Variants in CNTN4 observed in about 807,000 individuals in gnomAD.
CNTN4 encodes the protein contactin-4.
A neutral mutation model predicts 122.5 loss-of-function variants in CNTN4; 77 were observed. The observed-to-expected ratio is 0.63, with a 90% CI of 0.52 to 0.76. The LOEUF is 0.76. Ranked by LOEUF, CNTN4 falls within the 30% of genes least tolerant of loss-of-function variation. The pLI, the probability that CNTN4 is intolerant of heterozygous loss-of-function variation, is 0.00. For synonymous variants in CNTN4, 512 were observed against 447.0 expected (o/e 1.15, Z -1.83); for missense variants, 1,256 against 1,259.1 (o/e 1.00, Z 0.04).
chr3:2,600,008 C>T (rs2728064), intron 4 of CNTN4, among the ~76,000 whole-genome samples: 16,360 of 41,388 alleles, frequency 0.4, 2,055 homozygotes, highest in Non-Finnish European at 0.42. Flanking sequence ...TGGAATTCTT[C>T]TTTTTTTTTT....
At chr3:2,733,540 T>TTTG (rs1379917832) in intron 4 of CNTN4, among the ~76,000 whole-genome samples, 69 of 139,210 alleles carry the variant, frequency 5.0e-4, no homozygotes, top group Middle Eastern at 3.6e-3. Flanking sequence ...GTGTTTTTTT[T>TTTG]TTTTTTTTTT....
intron 2 of CNTN4, among the ~76,000 whole-genome samples, chr3:2,106,950 G>T (rs1294879976): frequency 2.6e-5 from 4 of 152,200 alleles, no homozygotes; most frequent in Non-Finnish European, 4.4e-5. Context: ...CTAAAGCATA[G>T]CAAGAGTGAC....
chr3:2,149,096 A>G (rs1164219266), intron 2 of CNTN4, among the ~76,000 whole-genome samples: 1 of 152,008 alleles, frequency 6.6e-6, no homozygotes, highest in Non-Finnish European at 1.5e-5. Flanking sequence ...GTTTTTGTGT[A>G]TGTGTGTGAT....
intron 3 of CNTN4, among the ~76,000 whole-genome samples, chr3:2,501,134 T>C (rs2076583042): frequency 6.6e-6 from 1 of 152,204 alleles, no homozygotes; most frequent in Non-Finnish European, 1.5e-5. Context: ...ATTTTTTTGT[T>C]AACTGTGGGA....
At chr3:2,349,445 A>G (rs1336207558) in intron 3 of CNTN4, among the ~76,000 whole-genome samples, 1 of 152,172 alleles carries the variant, frequency 6.6e-6, no homozygotes, top group African/African-American at 2.4e-5. Flanking sequence ...TTCATAAGTC[A>G]CCCAGAAGAA....
chr3:2,442,162 T>G (rs1241461320), intron 3 of CNTN4, among the ~76,000 whole-genome samples: 1 of 152,200 alleles, frequency 6.6e-6, no homozygotes, highest in Non-Finnish European at 1.5e-5. Flanking sequence ...GATATTTCTG[T>G]AACCTTGTGA....
intron 13 of CNTN4, among the ~76,000 whole-genome samples, chr3:2,951,197 G>T (rs1395926248): frequency 6.6e-6 from 1 of 152,144 alleles, no homozygotes; most frequent in Non-Finnish European, 1.5e-5. Context: ...ATAGACCAGT[G>T]GTCCCCTTTT....
rs868711289 is a variant in CNTN4, at chr3:2,912,971, G to A, written c.1207+9966G>A. The stretch of plus-strand genomic sequence containing the variant: ...GTTTGAGACCAGCCTGGCCAACATG[G>A]TGAAACCCCATGTCTACTAAAAATA... On this transcript the variant is annotated intron_variant, in intron 12 of 24. Coordinates refer to ENST00000418658, the MANE Select transcript of CNTN4 (RefSeq NM_175607.3). Among the ~76,000 whole-genome samples, 8 of 152,276 alleles carry A rather than the reference G, an allele frequency of 5.3e-5. No homozygotes were observed. The South Asian group carries it at 1.5e-3, about 28-fold the overall frequency.
intron 4 of CNTN4, among the ~76,000 whole-genome samples, chr3:2,701,720 A>G (rs1212546757): frequency 2.6e-5 from 4 of 152,200 alleles, no homozygotes; most frequent in African/African-American, 9.6e-5. Context: ...TTAGGAAGTC[A>G]TAAACACTCT....
chr3:2,191,982 T>A (rs2037590259), intron 2 of CNTN4, among the ~76,000 whole-genome samples: 1 of 152,034 alleles, frequency 6.6e-6, no homozygotes, highest in Non-Finnish European at 1.5e-5. Flanking sequence ...ATGCGGTGTT[T>A]GGTTTTTTGT....
intron 3 of CNTN4, among the ~76,000 whole-genome samples, chr3:2,400,132 T>G (rs2150957190): frequency 6.6e-6 from 1 of 152,030 alleles, no homozygotes; most frequent in South Asian, 2.1e-4. Context: ...TCTTCTGCCT[T>G]CAGTAATGCA....
chr3:2,496,457 T>C (rs2076454089), intron 3 of CNTN4, among the ~76,000 whole-genome samples: 1 of 152,118 alleles, frequency 6.6e-6, no homozygotes, highest in Non-Finnish European at 1.5e-5. Flanking sequence ...ACATTTATTA[T>C]CGATGAAGTG....
At chr3:2,519,738 A>C (rs2077144210) in intron 3 of CNTN4, among the ~76,000 whole-genome samples, 1 of 152,152 alleles carries the variant, frequency 6.6e-6, no homozygotes, top group African/African-American at 2.4e-5. Flanking sequence ...GTATCTCAAA[A>C]ATTTTAAATA....
chr3:2,865,021 T>C (rs1455129970), intron 7 of CNTN4, among the ~76,000 whole-genome samples: 1 of 152,180 alleles, frequency 6.6e-6, no homozygotes, highest in Non-Finnish European at 1.5e-5. Context: ...AAGCCTGCCA[T>C]ACGGGATAGT....
At chr3:2,802,810 A>G (rs1655351508) in intron 6 of CNTN4, among the ~76,000 whole-genome samples, 1 of 152,208 alleles carries the variant, frequency 6.6e-6, no homozygotes, top group Non-Finnish European at 1.5e-5. Context: ...AATTGAGAAC[A>G]CAAATTGTCT....
chr3:2,562,693 C>CT (rs35885719), intron 3 of CNTN4, among the ~76,000 whole-genome samples: 304 of 146,736 alleles, frequency 2.1e-3, no homozygotes, highest in South Asian at 7.0e-3. Context: ...GTGCATGTGT[C>CT]TTTTTTTTTT....
At chr3:2,522,706 ACT>A (rs2077265927) in intron 3 of CNTN4, among the ~76,000 whole-genome samples, 1 of 151,172 alleles carries the variant, frequency 6.6e-6, no homozygotes, top group South Asian at 2.1e-4. Flanking sequence ...GGGACTCAAG[ACT>A]CTGAATTTTT....
chr3:3,003,359 T>G (rs761356314), intron 14 of CNTN4, among the ~76,000 whole-genome samples: 1 of 152,140 alleles, frequency 6.6e-6, no homozygotes, highest in Non-Finnish European at 1.5e-5. Context: ...AGCTGATGAA[T>G]GGATAAACCA....
chr3:2,205,971 G>A (rs1575079057), intron 2 of CNTN4, among the ~76,000 whole-genome samples: 1 of 152,098 alleles, frequency 6.6e-6, no homozygotes, highest in East Asian at 1.9e-4. Context: ...TGCATTTAAA[G>A]TAGGAAGGTG....
Sources: gnomAD v4.1 joint callset for allele counts (sites outside exome capture counted in the v4.1 genomes callset) on GRCh38, gnomAD v4.1.1 for gene constraint, MANE v1.5 for transcripts, NCBI Gene and HGNC (gene_info 2026-07-23, HGNC 2026-07-21) for gene names.